The following DHX35 variants were observed in gnomAD, a reference collection of about 807,000 sequenced individuals.
DHX35 encodes the protein probable ATP-dependent RNA helicase DHX35.
DHX35 carries 84 observed loss-of-function variants against 99.6 expected under a neutral mutation model. The observed-to-expected ratio is 0.84, with a 90% CI of 0.71 to 1.01. The LOEUF is 1.01. Among genes scored for constraint, DHX35 ranks in the 50% least tolerant of loss-of-function variants. DHX35 has a pLI of 0.00. For missense variants in DHX35, 852 were observed against 888.5 expected (o/e 0.96, Z 0.52); for synonymous variants, 331 against 316.2 (o/e 1.05, Z -0.50).
chr20:38,962,702 G>A (rs1471033825), intron 1 of DHX35: 1 of 442,586 alleles, frequency 2.3e-6, no homozygotes, highest in Non-Finnish European at 4.0e-6. Flanking sequence ...GCGAGATGGG[G>A]AATCCTAAAG....
chr20:38,980,211 A>T (rs1181484459), intron 3 of DHX35, among the ~76,000 whole-genome samples: 2 of 152,108 alleles, frequency 1.3e-5, no homozygotes, highest in African/African-American at 2.4e-5. Flanking sequence ...CTTTCACTTA[A>T]CACTACTGCT....
intron 8 of DHX35, among the ~76,000 whole-genome samples, chr20:39,000,838 C>T (rs926651501): frequency 2.0e-5 from 3 of 152,132 alleles, no homozygotes; most frequent in Admixed American, 1.3e-4. Flanking sequence ...GCACTCCACC[C>T]GACGGGATAT....
intron 13 of DHX35, among the ~76,000 whole-genome samples, chr20:39,013,853 T>C (rs1252539606): frequency 1.3e-5 from 2 of 152,226 alleles, no homozygotes; most frequent in Non-Finnish European, 2.9e-5. Flanking sequence ...ATGAATCCAA[T>C]AGGTTTAGTT....
At position 39,030,766 on chromosome 20, in the gene DHX35, C is replaced by T. The variant is rs770623545; in HGVS notation, c.1946C>T (p.Pro649Leu). Residue 649 changes from proline to leucine, a missense_variant, in exon 20 of 22, where the codon CCG (proline) becomes CTG (leucine). Physicochemically the swap from Pro to Leu is moderately conservative, Grantham distance 98. Coordinates refer to ENST00000252011, the MANE Select transcript of DHX35 (RefSeq NM_021931.4). ...GCGTCAGTCCTCTATGCAGAGAAGC[C>T]GCCTCGCTGGTAAGCTCATCCTGCT... ...HPASVLYAEK[P>L]PRWVIYNEVI... 3.7e-5 allele frequency: 59 copies of T among 1,614,022 alleles called. No homozygotes were observed. The highest frequency in any genetic ancestry group is 8.3e-5 in the Admixed American group (5 of 60,016).
intron 18 of DHX35, among the ~76,000 whole-genome samples, chr20:39,027,268 G>A (rs999078472): frequency 5.3e-5 from 8 of 152,084 alleles, no homozygotes; most frequent in Non-Finnish European, 8.8e-5. Flanking sequence ...AAATCATGGA[G>A]ACTAAATAAA....
intron 14 of DHX35, among the ~76,000 whole-genome samples, chr20:39,018,533 A>AG (rs1241029928): frequency 6.6e-6 from 1 of 151,812 alleles, no homozygotes; most frequent in Non-Finnish European, 1.5e-5. Flanking sequence ...AGAAGGCTGC[A>AG]GGGGGATTTC....
chr20:39,021,772 CAG>C, intron 15 of DHX35, 67 bp from the exon 16 acceptor site: 1 of 1,453,320 alleles, frequency 6.9e-7, no homozygotes, highest in Non-Finnish European at 9.7e-7. Flanking sequence ...AGGAAAGTAT[CAG>C]AAAATGTCTT....
intron 19 of DHX35, chr20:39,029,548 C>T (rs1159589727): frequency 1.3e-5 from 2 of 151,800 alleles, no homozygotes; most frequent in Non-Finnish European, 2.9e-5. Flanking sequence ...TTCATTTGCC[C>T]ATTGTATGAG....
chr20:39,006,812 A>G (rs1327886881), intron 12 of DHX35, among the ~76,000 whole-genome samples: 2 of 152,252 alleles, frequency 1.3e-5, no homozygotes, highest in Non-Finnish European at 2.9e-5. Context: ...CCGGAGACTC[A>G]TTCATAGAAA....
rs1483185656 is a variant in DHX35 at position 38,986,744 on chromosome 20, G to A, written c.346-2069G>A. Reference sequence around the variant, plus strand: ...GTCATTGGGAAATACAACCACCAGAGGCAGAGCAATGTAGGATAACTTTCT... The same window carrying A: ...GTCATTGGGAAATACAACCACCAGAAGCAGAGCAATGTAGGATAACTTTCT... On this transcript the variant is annotated intron_variant, in intron 4 of 21. Coordinates refer to ENST00000252011, the MANE Select transcript of DHX35 (RefSeq NM_021931.4). 2.6e-5 allele frequency among the ~76,000 whole-genome samples: 4 copies of A among 152,342 alleles called. No homozygotes were observed. In the East Asian group the frequency reaches 7.7e-4, roughly 29 times the overall value.
rs751194752 is a variant in DHX35, at chr20:39,038,524, C to G, written c.2093C>G (p.Ala698Gly). 5.0e-6 allele frequency: 8 copies of G among 1,613,172 alleles called. No individual in the cohort carries two copies. In the South Asian group the frequency reaches 8.8e-5, roughly 18 times the overall value. The change falls in exon 22 of 22, where the codon GCC (alanine) becomes GGC (glycine). Residue 698 changes from alanine (A) to glycine (G), a missense_variant. Ala to Gly is a moderately conservative substitution (Grantham distance 60). Coordinates refer to ENST00000252011, the MANE Select transcript of DHX35 (RefSeq NM_021931.4). ...CACCTGTCTCTGAAAGCCAAAAGGG[C>G]CAAGGTCCAGGACCCGTGAGAGGAG... ...GTHLSLKAKR[A>G]KVQDP
intron 20 of DHX35, among the ~76,000 whole-genome samples, chr20:39,032,864 G>A (rs1023488403): frequency 6.6e-6 from 1 of 152,196 alleles, no homozygotes; most frequent in Non-Finnish European, 1.5e-5. Context: ...CCTAGAAGTT[G>A]CTTAGGTTGA....
At chr20:38,968,572 G>C (rs1194676009) in intron 1 of DHX35, among the ~76,000 whole-genome samples, 2 of 151,982 alleles carry the variant, frequency 1.3e-5, no homozygotes, top group African/African-American at 4.8e-5. Flanking sequence ...TTTGGAGACA[G>C]AGTCTTGCTC....
chr20:38,974,268 G>A (rs543850236), intron 3 of DHX35, among the ~76,000 whole-genome samples: 1 of 152,312 alleles, frequency 6.6e-6, no homozygotes, highest in Non-Finnish European at 1.5e-5. Context: ...AGAGAAGGAT[G>A]GTGTAACGGG....
chr20:38,963,919 C>G (rs924268758), intron 1 of DHX35, among the ~76,000 whole-genome samples: 6 of 152,056 alleles, frequency 3.9e-5, no homozygotes, highest in African/African-American at 7.2e-5. Flanking sequence ...CAGTGCCCAT[C>G]ATGTCTACCA....
At chr20:39,016,805 T>C (rs1391445307) in intron 14 of DHX35, among the ~76,000 whole-genome samples, 1 of 152,148 alleles carries the variant, frequency 6.6e-6, no homozygotes, top group African/African-American at 2.4e-5. Flanking sequence ...GCTGCCCATT[T>C]GTAAATCTTC....
intron 20 of DHX35, among the ~76,000 whole-genome samples, chr20:39,031,862 C>G (rs2087059839): frequency 6.6e-6 from 1 of 152,170 alleles, no homozygotes; most frequent in African/African-American, 2.4e-5. Context: ...GGGGCAGAGC[C>G]ATGGAACATA....
chr20:38,978,416 C>CT, intron 3 of DHX35: 1 of 656,142 alleles, frequency 1.5e-6, no homozygotes, highest in East Asian at 2.7e-5. Context: ...TCCATCACAT[C>CT]TTTCATGGGG....
At chr20:39,033,935 C>T (rs1384815758) in intron 20 of DHX35, among the ~76,000 whole-genome samples, 1 of 152,160 alleles carries the variant, frequency 6.6e-6, no homozygotes, top group African/African-American at 2.4e-5. Context: ...TCTGTAAATG[C>T]AGATGAAGGA....
Sources: allele counts gnomAD v4.1 joint callset (sites outside exome capture counted in the v4.1 genomes callset), GRCh38; gene constraint gnomAD v4.1.1; transcripts MANE v1.5; gene names NCBI Gene and HGNC (gene_info 2026-07-23, HGNC 2026-07-21).